PFKP: variants seen among roughly 807,000 people sequenced by gnomAD.
The protein encoded by PFKP is phosphofructokinase, platelet, also known as ATP-dependent 6-phosphofructokinase, platelet type.
PFKP carries 101 observed loss-of-function variants against 94.3 expected under a neutral mutation model. The observed-to-expected ratio is 1.07, with a 90% CI of 0.91 to 1.26. PFKP has a LOEUF of 1.26. Ranked by LOEUF, PFKP falls within the 50% of genes most tolerant of loss-of-function variation. The pLI is 0.00. For synonymous variants in PFKP, 573 were observed against 432.6 expected, an observed-to-expected ratio of 1.32 and a Z score of -4.03; for missense variants, 1,145 against 1,103.3, an observed-to-expected ratio of 1.04 and a Z score of -0.53.
chr10:3,090,598 C>A (rs1833968475), intron 2 of PFKP, among the ~76,000 whole-genome samples: 2 of 152,060 alleles, frequency 1.3e-5, no homozygotes, highest in South Asian at 4.2e-4. Flanking sequence ...ACAGGCTGGG[C>A]TTCTCTCTGA....
At chr10:3,082,257 G>T in intron 1 of PFKP, 131 bp from the exon 2 acceptor site, 1 of 571,556 alleles carries the variant, frequency 1.7e-6, no homozygotes, top group South Asian at 2.7e-5. Flanking sequence ...AGGAGTGTGT[G>T]TACCCATTTC....
chr10:3,116,913 G>T, intron 14 of PFKP, 67 bp downstream of exon 14: 2 of 1,246,896 alleles, frequency 1.6e-6, no homozygotes, highest in Non-Finnish European at 1.2e-6. Flanking sequence ...TTCTGGGAGA[G>T]AATCGCTGGG....
chr10:3,095,218 G>C (rs1175660085), intron 2 of PFKP, among the ~76,000 whole-genome samples: 1 of 86,260 alleles, frequency 1.2e-5, no homozygotes, highest in Admixed American at 1.1e-4. Flanking sequence ...TTACATATGA[G>C]ACGTCCGAGA....
chr10:3,092,100 C>T (rs1286536041), intron 2 of PFKP, among the ~76,000 whole-genome samples: 6 of 152,302 alleles, frequency 3.9e-5, no homozygotes, highest in East Asian at 1.9e-4. Flanking sequence ...CCCCCGCCAC[C>T]GGCCCCCAAG....
intron 1 of PFKP, among the ~76,000 whole-genome samples, chr10:3,073,278 C>T (rs1321897149): frequency 6.6e-6 from 1 of 151,946 alleles, no homozygotes; most frequent in African/African-American, 2.4e-5. Flanking sequence ...TGTCTCCTCT[C>T]CCTGTCTCTG....
chr10:3,090,627 C>G (rs1193989890), intron 2 of PFKP, among the ~76,000 whole-genome samples: 1 of 151,798 alleles, frequency 6.6e-6, no homozygotes, highest in Non-Finnish European at 1.5e-5. Context: ...GCGATGGCAT[C>G]TGGGGTGGGC....
intron 7 of PFKP, 32 bp downstream of exon 7, chr10:3,105,533 G>A: frequency 1.4e-6 from 2 of 1,436,056 alleles, no homozygotes; most frequent in Admixed American, 1.7e-5. Flanking sequence ...TTGATAGCGG[G>A]CGATGCTGGC....
At chr10:3,128,445 C>T (rs893411102) in intron 16 of PFKP, among the ~76,000 whole-genome samples, 3 of 152,184 alleles carry the variant, frequency 2.0e-5, no homozygotes, top group African/African-American at 7.2e-5. Flanking sequence ...AGGAAGGTGC[C>T]TCTGTGTGTC....
Position 3,129,911 on chromosome 10 carries a change from C to CA in PFKP, c.1777dup (p.Met593AsnfsTer9). The CA allele has an allele frequency of 6.2e-7, 1 of 1,612,506 alleles. No homozygotes were observed. Among genetic ancestry groups the CA allele is most frequent in the East Asian group, 2.2e-5 (1 of 44,844 alleles). On this transcript the variant is annotated frameshift_variant, in exon 17 of 22. Coordinates refer to ENST00000381125, the MANE Select transcript of PFKP (RefSeq NM_002627.5). LOFTEE classifies it high-confidence loss of function. ...GCGGCTACTGTGGCTACCTGGCCAA[C>CA]ATGGGGGGGCTCGCGGCCGGAGCTG...
intron 9 of PFKP, 36 bp from the exon 10 acceptor site, chr10:3,109,319 G>A (rs1432832548): frequency 6.2e-7 from 1 of 1,604,674 alleles, no homozygotes; most frequent in Admixed American, 1.7e-5. Context: ...GGCAGGACGG[G>A]AGGCTGCCCC....
At chr10:3,099,788 G>A (rs570344425) in intron 3 of PFKP, among the ~76,000 whole-genome samples, 5 of 152,206 alleles carry the variant, frequency 3.3e-5, no homozygotes, top group East Asian at 1.9e-4. Context: ...CGTGATTGAC[G>A]GAGGAAGATA....
At chr10:3,126,485 A>C (rs1256281511) in intron 16 of PFKP, among the ~76,000 whole-genome samples, 1 of 152,138 alleles carries the variant, frequency 6.6e-6, no homozygotes. Flanking sequence ...CTCGCGCCCC[A>C]CACGCGACGC....
rs774113958 is a variant in PFKP, at chr10:3,135,813, G to A, written c.2200G>A (p.Glu734Lys). 4 of 1,613,008 alleles carry A rather than the reference G, an allele frequency of 2.5e-6. No homozygotes were observed. Among genetic ancestry groups the A allele is most frequent in the Non-Finnish European group, 3.4e-6 (4 of 1,179,022 alleles). ...KRNVIFQPVA[E>K]LKKQTDFEHR... ...AAACGTTATTTTTCAACCTGTGGCA[G>A]AGCTGAAGAAGCAAACGGATTTTGA... The change falls in exon 21 of 22, where the codon GAG (glutamate) becomes AAG (lysine). Residue 734 changes from glutamate (E) to lysine (K), a missense_variant. By Grantham distance (56) the Glu-to-Lys change is moderately conservative. Coordinates refer to ENST00000381125, the MANE Select transcript of PFKP (RefSeq NM_002627.5).
chr10:3,096,406 A>G (rs1170991537), intron 2 of PFKP, among the ~76,000 whole-genome samples: 2 of 152,140 alleles, frequency 1.3e-5, no homozygotes, highest in African/African-American at 4.8e-5. Context: ...CACAGAAATG[A>G]CCGCAACAGC....
At chr10:3,094,289 TAAAG>T (rs890659827) in intron 2 of PFKP, among the ~76,000 whole-genome samples, 2 of 152,200 alleles carry the variant, frequency 1.3e-5, no homozygotes, top group African/African-American at 2.4e-5. Flanking sequence ...AGCTTTGGCT[TAAAG>T]AAATCTGTGA....
At chr10:3,081,400 G>A (rs1218275876) in intron 1 of PFKP, among the ~76,000 whole-genome samples, 3 of 152,212 alleles carry the variant, frequency 2.0e-5, no homozygotes, top group Admixed American at 6.5e-5. Flanking sequence ...CATGGCCCAC[G>A]AACTGCAGCA....
chr10:3,112,339 C>T, intron 11 of PFKP, 53 bp downstream of exon 11: 2 of 1,355,790 alleles, frequency 1.5e-6, no homozygotes, highest in East Asian at 2.3e-5. Context: ...ACCCCTCAGG[C>T]CCAGCCACTG....
In PFKP at chr10:3,104,831, GT is replaced by G. The variant is rs1256234127; in HGVS notation, c.621-283del. ...CAGCACGGGGCCGGGGAGTGTGAGTGTGTCCTGGCACAGGCAGGCAGAAGGT... is the reference window on the plus strand; with the variant it reads ...CAGCACGGGGCCGGGGAGTGTGAGTGGTCCTGGCACAGGCAGGCAGAAGGT... On this transcript the variant is annotated intron_variant, in intron 5 of 21. Transcript: ENST00000381125. 5.8e-6 allele frequency: 3 copies of G among 517,092 alleles called. No individual in the cohort carries two copies. The African/African-American group carries it at 5.8e-5, about 10-fold the overall frequency. 32.0% of individuals were successfully genotyped at this position (517,092 alleles called of 1,614,324 possible).
intron 2 of PFKP, among the ~76,000 whole-genome samples, chr10:3,094,512 G>T (rs1437928916): frequency 6.6e-6 from 1 of 152,178 alleles, no homozygotes; most frequent in South Asian, 2.1e-4. Flanking sequence ...TGATTGGTAG[G>T]GTCTCTGGAC....
Sources: allele counts gnomAD v4.1 joint callset (sites outside exome capture counted in the v4.1 genomes callset), GRCh38; gene constraint gnomAD v4.1.1; transcripts MANE v1.5; gene names NCBI Gene and HGNC (gene_info 2026-07-23, HGNC 2026-07-21).